Variants in ADGRL2 observed in about 807,000 individuals in gnomAD.
ADGRL2 encodes calcium-independent alpha-latrotoxin receptor 2.
Under a neutral mutation model 157.4 loss-of-function variants are expected in ADGRL2, and 44 were observed. The ratio of observed to expected loss-of-function variants is 0.28; its 90% CI spans 0.22 to 0.36. ADGRL2 has a LOEUF of 0.36. Among genes scored for constraint, ADGRL2 ranks in the 10% least tolerant of loss-of-function variants. The pLI is 1.00. For synonymous variants in ADGRL2, 585 were observed against 624.7 expected, an observed-to-expected ratio of 0.94 and a Z score of 0.95; for missense variants, 1,510 against 1,768.9, an observed-to-expected ratio of 0.85 and a Z score of 2.63.
chr1:81,607,765 T>G (rs745570582), intron 3 of ADGRL2, among the ~76,000 whole-genome samples: 1 of 152,226 alleles, frequency 6.6e-6, no homozygotes, highest in Non-Finnish European at 1.5e-5. Flanking sequence ...TGACTTGACA[T>G]TTAGTTAATT....
chr1:81,852,763 C>A (rs1342369136), intron 2 of ADGRL2, among the ~76,000 whole-genome samples: 3 of 151,946 alleles, frequency 2.0e-5, no homozygotes, highest in African/African-American at 7.2e-5. Flanking sequence ...TTAGTAAATT[C>A]TGTGTTTATT....
chr1:81,978,889 TTAAG>T (rs1208505851), intron 17 of ADGRL2, among the ~76,000 whole-genome samples: 1 of 151,726 alleles, frequency 6.6e-6, no homozygotes, highest in Non-Finnish European at 1.5e-5. Context: ...TGGTATTCTC[TTAAG>T]TAACGTACAG....
At chr1:81,515,583 T>C (rs72946976) in intron 2 of ADGRL2, among the ~76,000 whole-genome samples, 3,658 of 152,308 alleles carry the variant, frequency 0.024, 148 homozygotes, top group African/African-American at 0.081. Flanking sequence ...GGCTCTTTTA[T>C]AGTTTTCATT....
intron 3 of ADGRL2, among the ~76,000 whole-genome samples, chr1:81,914,164 C>T (rs890340312): frequency 6.6e-6 from 1 of 152,116 alleles, no homozygotes; most frequent in African/African-American, 2.4e-5. Context: ...CGTTGACGTA[C>T]AGTCCTCTCA....
intron 2 of ADGRL2, among the ~76,000 whole-genome samples, chr1:81,573,971 A>C (rs1199843293): frequency 6.6e-6 from 1 of 152,214 alleles, no homozygotes; most frequent in African/African-American, 2.4e-5. Context: ...AAAGAAAGTT[A>C]ATACAGACAG....
At chr1:81,979,788 C>G (rs1661155604) in intron 17 of ADGRL2, 81 bp from the exon 18 acceptor site, 1 of 795,804 alleles carries the variant, frequency 1.3e-6, no homozygotes, top group South Asian at 1.5e-5. Flanking sequence ...TCCATATAAA[C>G]ATGGATCGAT....
chr1:81,554,642 A>G (rs2080229873), intron 2 of ADGRL2, among the ~76,000 whole-genome samples: 1 of 152,152 alleles, frequency 6.6e-6, no homozygotes, highest in East Asian at 1.9e-4. Context: ...TAATCAGTTT[A>G]TTTAGGCTTT....
intron 1 of ADGRL2, among the ~76,000 whole-genome samples, chr1:81,352,934 AAAC>A (rs1557620577): frequency 6.6e-6 from 1 of 152,196 alleles, no homozygotes; most frequent in East Asian, 1.9e-4. Flanking sequence ...TAGAAAAACA[AAAC>A]AATTTTTTTT....
intron 3 of ADGRL2, among the ~76,000 whole-genome samples, chr1:81,682,428 C>G (rs1474541808): frequency 6.6e-6 from 1 of 152,124 alleles, no homozygotes; most frequent in Non-Finnish European, 1.5e-5. Flanking sequence ...GGCACAAACT[C>G]CATACCTCTA....
intron 3 of ADGRL2, among the ~76,000 whole-genome samples, chr1:81,597,257 C>T (rs186910410): frequency 2.5e-4 from 38 of 152,228 alleles, no homozygotes; most frequent in African/African-American, 9.1e-4. Context: ...TGATTCTCTA[C>T]CCTTTGTCAG....
chr1:81,914,251 T>A (rs1557901107), intron 3 of ADGRL2, among the ~76,000 whole-genome samples: 1 of 152,116 alleles, frequency 6.6e-6, no homozygotes, highest in Non-Finnish European at 1.5e-5. Flanking sequence ...ATATTTTTAT[T>A]TAATTAATAT....
At chr1:81,762,465 T>C (rs1230928332) in intron 2 of ADGRL2, among the ~76,000 whole-genome samples, 1 of 152,188 alleles carries the variant, frequency 6.6e-6, no homozygotes. Context: ...ATAACCTCTT[T>C]ACAATTCAAA....
At chr1:81,720,492 T>C (rs1394943191) in intron 1 of ADGRL2, among the ~76,000 whole-genome samples, 1 of 152,134 alleles carries the variant, frequency 6.6e-6, no homozygotes, top group African/African-American at 2.4e-5. Flanking sequence ...TTATTTAATG[T>C]TAACAAGTGA....
intron 2 of ADGRL2, among the ~76,000 whole-genome samples, chr1:81,890,802 T>C (rs571617994): frequency 2.0e-5 from 3 of 152,272 alleles, no homozygotes; most frequent in Admixed American, 1.3e-4. Context: ...TCTGAACCAG[T>C]AAGATTATAG....
intron 2 of ADGRL2, among the ~76,000 whole-genome samples, chr1:81,532,949 TATCTATCTATCTATCTATCTATC>T (rs1044818058): frequency 6.9e-6 from 1 of 144,764 alleles, no homozygotes; most frequent in African/African-American, 2.7e-5. Flanking sequence ...AAATTCTATC[TATCTATCTATCTATCTATCTATC>T]ATCTATCTAT....
intron 2 of ADGRL2, among the ~76,000 whole-genome samples, chr1:81,483,592 A>G (rs1027679686): frequency 6.6e-6 from 1 of 152,224 alleles, no homozygotes. Flanking sequence ...GCAATTAAAA[A>G]TGATTCAACA....
chr1:81,778,680 A>ATG (rs1557644038), intron 2 of ADGRL2, among the ~76,000 whole-genome samples: 1 of 152,030 alleles, frequency 6.6e-6, no homozygotes, highest in African/African-American at 2.4e-5. Context: ...TTCCTCTCCA[A>ATG]TGTCTCCCTC....
intron 1 of ADGRL2, among the ~76,000 whole-genome samples, chr1:81,760,623 A>G (rs1474200031): frequency 6.6e-6 from 1 of 151,950 alleles, no homozygotes; most frequent in Admixed American, 6.6e-5. Flanking sequence ...TTTAGTTCTT[A>G]AAAAAAGTAT....
intron 3 of ADGRL2, among the ~76,000 whole-genome samples, chr1:81,680,178 C>A (rs2083079605): frequency 6.6e-6 from 1 of 152,202 alleles, no homozygotes; most frequent in African/African-American, 2.4e-5. Flanking sequence ...TCCCACACTG[C>A]CAGATCGGCA....
Sources: gnomAD v4.1 joint callset for allele counts (sites outside exome capture counted in the v4.1 genomes callset) on GRCh38, gnomAD v4.1.1 for gene constraint, MANE v1.5 for transcripts, NCBI Gene and HGNC (gene_info 2026-07-23, HGNC 2026-07-21) for gene names.